Variants in PCDH15 observed in about 807,000 individuals in gnomAD.
PCDH15 encodes protocadherin related 15, also known as protocadherin-15.
PCDH15 carries 129 observed loss-of-function variants against 178.5 expected under a neutral mutation model. That is an observed-to-expected ratio of 0.72 (90% confidence interval 0.63 to 0.84). The LOEUF is 0.84. Ranked by LOEUF, PCDH15 falls within the 40% of genes least tolerant of loss-of-function variation. The pLI is 0.00. For missense variants in PCDH15, 2,230 were observed against 2,099.9 expected, an observed-to-expected ratio of 1.06 and a Z score of -1.21; for synonymous variants, 800 against 732.0, an observed-to-expected ratio of 1.09 and a Z score of -1.50.
At chr10:55,523,137 A>C (rs561264235) in intron 2 of PCDH15, among the ~76,000 whole-genome samples, 1 of 151,294 alleles carries the variant, frequency 6.6e-6, no homozygotes, top group Non-Finnish European at 1.5e-5. Flanking sequence ...CATTAGCTTC[A>C]TGAATCTGAA....
At chr10:54,434,978 G>C (rs1324829356) in intron 3 of PCDH15, among the ~76,000 whole-genome samples, 2 of 152,036 alleles carry the variant, frequency 1.3e-5, no homozygotes, top group African/African-American at 4.8e-5. Context: ...TCTTCAATAA[G>C]AGCATTGAAA....
At chr10:55,035,272 T>A (rs1840707311) in intron 2 of PCDH15, among the ~76,000 whole-genome samples, 1 of 152,172 alleles carries the variant, frequency 6.6e-6, no homozygotes, top group Non-Finnish European at 1.5e-5. Flanking sequence ...TGTATGCAAT[T>A]AGCATTGCAT....
At chr10:55,448,768 T>C (rs1323034906) in intron 2 of PCDH15, among the ~76,000 whole-genome samples, 1 of 152,092 alleles carries the variant, frequency 6.6e-6, no homozygotes, top group Non-Finnish European at 1.5e-5. Flanking sequence ...AAAGCCAATA[T>C]ACTCAGACCT....
chr10:54,217,798 C>T (rs1346077132), intron 9 of PCDH15, among the ~76,000 whole-genome samples: 2 of 152,152 alleles, frequency 1.3e-5, no homozygotes, highest in East Asian at 3.9e-4. Flanking sequence ...GAGCTGATTT[C>T]AGGTCCAGGG....
intron 3 of PCDH15, among the ~76,000 whole-genome samples, chr10:54,520,497 A>C (rs1373923845): frequency 6.6e-6 from 1 of 152,176 alleles, no homozygotes; most frequent in East Asian, 1.9e-4. Context: ...AGAAATGCAA[A>C]TCAAAACCAC....
chr10:55,502,175 T>C (rs189756623), intron 2 of PCDH15, among the ~76,000 whole-genome samples: 2 of 151,628 alleles, frequency 1.3e-5, no homozygotes, highest in African/African-American at 4.8e-5. Context: ...CTTCTCCTTA[T>C]GGAACTGCCA....
intron 1 of PCDH15, among the ~76,000 whole-genome samples, chr10:55,289,222 T>C (rs990645762): frequency 1.3e-5 from 2 of 152,056 alleles, no homozygotes; most frequent in African/African-American, 4.8e-5. Context: ...GTTGTTCCAA[T>C]TGTTTTAACA....
At chr10:54,779,408 A>G (rs200951515) in intron 1 of PCDH15, among the ~76,000 whole-genome samples, 53 of 17,990 alleles carry the variant, frequency 2.9e-3, no homozygotes, top group East Asian at 0.013. Flanking sequence ...ATATATATGT[A>G]TATATATATA....
Position 54,028,161 on chromosome 10 carries a change from T to A in PCDH15, c.2221-4964A>T, listed in dbSNP as rs865810136. On this transcript the variant is annotated intron_variant, in intron 18 of 37. Transcript: ENST00000644397. ...CAGACACTTCTCAAAAGAAGACATT[T>A]ATGCAGCCAAAAAACACATGAAAAA... Among the ~76,000 whole-genome samples the A allele has an allele frequency of 9.3e-4, 139 of 149,210 alleles. No individual in the cohort carries two copies. The Middle Eastern group carries it at 0.028, about 30-fold the overall frequency.
intron 3 of PCDH15, among the ~76,000 whole-genome samples, chr10:54,474,847 A>G (rs1426816062): frequency 6.6e-6 from 1 of 152,006 alleles, no homozygotes; most frequent in African/African-American, 2.4e-5. Context: ...AAATTCTTTG[A>G]ACAGAGTGAA....
intron 2 of PCDH15, among the ~76,000 whole-genome samples, chr10:54,955,937 A>G (rs952342535): frequency 2.6e-5 from 4 of 151,484 alleles, no homozygotes; most frequent in Non-Finnish European, 5.9e-5. Context: ...AGCCATAATG[A>G]AATTCAGCAT....
chr10:54,804,948 T>TATATATATATATATATATATATATATAC (rs905516559), upstream of PCDH15, among the ~76,000 whole-genome samples: 697 of 126,936 alleles, frequency 5.5e-3, 47 homozygotes, highest in East Asian at 0.011. Context: ...TATATATATA[T>TATATATATATATATATATATATATATAC]ACAGAGTTTG....
intron 6 of PCDH15, among the ~76,000 whole-genome samples, chr10:54,340,904 C>G (rs111370394): frequency 0.027 from 4,072 of 152,100 alleles, 178 homozygotes; most frequent in African/African-American, 0.09. Context: ...TTTAACATTC[C>G]CAGAAAAAGG....
At chr10:54,733,115 T>C (rs1204625641) in intron 1 of PCDH15, among the ~76,000 whole-genome samples, 1 of 151,486 alleles carries the variant, frequency 6.6e-6, no homozygotes, top group African/African-American at 2.4e-5. Context: ...CTATAGAACA[T>C]TGTTTTGGAA....
chr10:54,198,318 T>C (rs1379386263), intron 10 of PCDH15, among the ~76,000 whole-genome samples: 3 of 152,016 alleles, frequency 2.0e-5, no homozygotes, highest in Non-Finnish European at 2.9e-5. Flanking sequence ...GTTTTTTCAC[T>C]GTTTAAAACT....
At chr10:54,712,031 ATACT>A (rs1267025651) in intron 1 of PCDH15, among the ~76,000 whole-genome samples, 1 of 151,912 alleles carries the variant, frequency 6.6e-6, no homozygotes, top group Non-Finnish European at 1.5e-5. Flanking sequence ...AAATTCTGAA[ATACT>A]TACAGGTATT....
chr10:54,980,854 T>C (rs1839216690), intron 2 of PCDH15, among the ~76,000 whole-genome samples: 1 of 152,100 alleles, frequency 6.6e-6, no homozygotes, highest in Non-Finnish European at 1.5e-5. Flanking sequence ...AGTTCATTTT[T>C]TCAGAGTAGA....
intron 3 of PCDH15, among the ~76,000 whole-genome samples, chr10:54,452,834 G>T (rs75566458): frequency 0.011 from 1,707 of 152,180 alleles, 27 homozygotes; most frequent in African/African-American, 0.037. Context: ...TGAGTCATGT[G>T]TAAATAATGA....
rs551254322 is a variant in PCDH15, at chr10:54,137,265, T to C, written c.1785-4258A>G. On this transcript the variant is annotated intron_variant, in intron 14 of 37. Coordinates refer to ENST00000644397, the MANE Select transcript of PCDH15 (RefSeq NM_001384140.1). ...CATCTATATAAGAAAAATTTTATTTTTGTAATATAGCCAGTATGATGCAGA... is the reference window on the plus strand; with the variant it reads ...CATCTATATAAGAAAAATTTTATTTCTGTAATATAGCCAGTATGATGCAGA... Among the ~76,000 whole-genome samples, 13 of 152,280 alleles carry C rather than the reference T, an allele frequency of 8.5e-5. No homozygotes were observed. In the South Asian group the frequency reaches 2.5e-3, roughly 29 times the overall value.
Sources: allele counts gnomAD v4.1 joint callset (sites outside exome capture counted in the v4.1 genomes callset), GRCh38; gene constraint gnomAD v4.1.1; transcripts MANE v1.5; gene names NCBI Gene and HGNC (gene_info 2026-07-23, HGNC 2026-07-21).